UMOD: variants seen among roughly 807,000 people sequenced by gnomAD.
UMOD encodes the protein Tamm-Horsfall urinary glycoprotein.
UMOD carries 64 observed loss-of-function variants against 66.0 expected under a neutral mutation model. That is an observed-to-expected ratio of 0.97 (90% CI 0.79 to 1.19). UMOD has a LOEUF of 1.19. Among genes scored for constraint, UMOD ranks in the 50% most tolerant of loss-of-function variants. The pLI is 0.00. For synonymous variants in UMOD, 398 were observed against 352.7 expected (o/e 1.13, Z -1.44); for missense variants, 764 against 850.9 (o/e 0.90, Z 1.27).
At position 20,348,994 on chromosome 16, in the gene UMOD, C is replaced by T. The variant is rs28934584; in HGVS notation, c.307G>A (p.Gly103Ser). The change falls in exon 3 of 11, where the codon GGT (glycine) becomes AGT (serine). Residue 103 changes from glycine (G) to serine (S), a missense_variant. Gly to Ser is a moderately conservative substitution (Grantham distance 56). Coordinates refer to ENST00000396138, the MANE Select transcript of UMOD (RefSeq NM_003361.4). ...VCPEGFRLSPGLGCTDVDECA... is the reference protein window; with the variant it reads ...VCPEGFRLSPSLGCTDVDECA... ...TCATCCACGTCTGTGCAGCCGAGACCGGGCGACAGGCGGAAGCCTTCGGGG... is the reference window on the plus strand; with the variant it reads ...TCATCCACGTCTGTGCAGCCGAGACTGGGCGACAGGCGGAAGCCTTCGGGG... The T allele has an allele frequency of 1.6e-5, 25 of 1,577,436 alleles. No individual in the cohort carries two copies. Among genetic ancestry groups the T allele is most frequent in the South Asian group, 4.6e-5 (4 of 86,566 alleles).
chr16:20,351,687 C>A (rs1596568071), intron 1 of UMOD, among the ~76,000 whole-genome samples: 1 of 152,138 alleles, frequency 6.6e-6, no homozygotes, highest in South Asian at 2.1e-4. Context: ...CCTAGAGCAA[C>A]GTTTTCCAGA....
Position 20,348,293 on chromosome 16 carries a change from A to T in UMOD, c.903T>A (p.Ser301Arg). The change falls in exon 4 of 11, where the codon AGT becomes AGA. Residue 301 changes from serine (S) to arginine (R), a missense_variant. Physicochemically the swap from Ser to Arg is moderately radical, Grantham distance 110. Coordinates refer to ENST00000396138, the MANE Select transcript of UMOD (RefSeq NM_003361.4). ...TATTCGATTTGCAGTCCTCGTCTATACTGCACTCCTCACACGTCCCCTCCA... is the reference window on the plus strand; with the variant it reads ...TATTCGATTTGCAGTCCTCGTCTATTCTGCACTCCTCACACGTCCCCTCCA... ...SSVEGTCEEC[S>R]IDEDCKSNNG... 1 of 1,614,164 alleles carries T rather than the reference A, an allele frequency of 6.2e-7. No individual in the cohort carries two copies.
In UMOD at chr16:20,348,599, C is replaced by G. The variant is rs758247526; in HGVS notation, c.702G>C (p.Thr234=). ...CGATGCCCTCGTCGCTGGACGGATG[C>G]GTGCCATTGAGCCACATGGGGGCGG... ...NTAAPMWLNG[T]HPSSDEGIVS... is the part of the protein sequence containing the mutation. Residue 234 remains threonine, a synonymous_variant, in exon 3 of 11, where the codon ACG becomes ACC. Transcript: ENST00000396138. 59 of 1,590,254 alleles carry G rather than the reference C, an allele frequency of 3.7e-5. No homozygotes were observed. Among genetic ancestry groups the G allele is most frequent in the Non-Finnish European group, 4.9e-5 (58 of 1,173,498 alleles).
At chr16:20,349,710 T>G (rs1965796536) in intron 2 of UMOD, 1 of 1,510,228 alleles carries the variant, frequency 6.6e-7, no homozygotes, top group Non-Finnish European at 8.9e-7. Flanking sequence ...TCCTATACTT[T>G]GGTAGGATTT....
Position 20,335,470 on chromosome 16 carries a change from A to G in UMOD, c.1861+12T>C. On this transcript the variant is annotated intron_variant, in intron 10 of 10. Coordinates refer to ENST00000396138, the MANE Select transcript of UMOD (RefSeq NM_003361.4). Reference sequence around the variant, plus strand: ...TGGAACAGGTCCCACTGCAGAAAGGACCTGAACTTACCCAAGCTGCTAAAA... The same window carrying G: ...TGGAACAGGTCCCACTGCAGAAAGGGCCTGAACTTACCCAAGCTGCTAAAA... The G allele has an allele frequency of 1.2e-6, 2 of 1,614,016 alleles. No individual in the cohort carries two copies. The highest frequency in any genetic ancestry group is 8.5e-7 in the Non-Finnish European group (1 of 1,179,916).
chr16:20,355,351 T>G (rs553869009), upstream of UMOD, among the ~76,000 whole-genome samples: 2 of 152,190 alleles, frequency 1.3e-5, no homozygotes, highest in African/African-American at 4.8e-5. Flanking sequence ...GAACGAACCT[T>G]AATCTCTCAG....
intron 2 of UMOD, chr16:20,349,817 TC>T: frequency 6.5e-7 from 1 of 1,550,118 alleles, no homozygotes; most frequent in Non-Finnish European, 8.7e-7. Context: ...CAGTGTCGCC[TC>T]CTCTCTGCGG....
In UMOD at chr16:20,348,616, TG is replaced by T; in HGVS notation, c.684del (p.Met229CysfsTer15). ...GACGGATGCGTGCCATTGAGCCACA[TG>T]GGGGCGGCCGTGTTGCAGCGCAGGA... ...VPVLRCNTAA[P>X]MWLNGTHPSS... On this transcript the variant is annotated frameshift_variant, in exon 3 of 11. Transcript: ENST00000396138. LOFTEE classifies it high-confidence loss of function. 6.3e-7 allele frequency: 1 copy of T among 1,585,630 alleles called. No individual in the cohort carries two copies.
chr16:20,346,363 G>A (rs779796178), intron 4 of UMOD, 29 bp from the exon 5 acceptor site: 78 of 1,612,622 alleles, frequency 4.8e-5, no homozygotes, highest in Middle Eastern at 3.3e-4. Context: ...GATTGAGGAC[G>A]TGTGTCTATA....
Position 20,333,052 on chromosome 16 carries a change from G to C in UMOD, c.*262C>G, listed in dbSNP as rs1422710573. 1.3e-5 allele frequency: 6 copies of C among 465,030 alleles called. No individual in the cohort carries two copies. Among genetic ancestry groups the C allele is most frequent in the Non-Finnish European group, 2.4e-5 (6 of 250,064 alleles). The allele number at this position is 465,030 out of a possible 1,614,324, so 28.8% of individuals were successfully genotyped here. ...GAATGAATGGATGACTTCAAAGACT[G>C]AGATTTAAAAATCATTATTTTGCCA... is the stretch of plus-strand genomic sequence containing the variant. On this transcript the variant is annotated 3_prime_UTR_variant, in exon 11 of 11. Transcript: ENST00000396138.
rs769772382 is a variant in UMOD at position 20,344,045 on chromosome 16, G to C, written c.1310C>G (p.Thr437Ser). 128 of 1,613,824 alleles carry C rather than the reference G, an allele frequency of 7.9e-5. No individual in the cohort carries two copies. The highest frequency in any genetic ancestry group is 9.6e-5 in the Non-Finnish European group (113 of 1,180,032). The change falls in exon 6 of 11, where the codon ACC (threonine) becomes AGC (serine). Residue 437 changes from threonine to serine, a missense_variant. Coordinates refer to ENST00000396138, the MANE Select transcript of UMOD (RefSeq NM_003361.4). ...ACACCTGACCATTGGCTGTAGGGCG[G>C]TCTTCAGGCTGACTTTCATGTCCAG... ...YPLDMKVSLK[T>S]ALQPMVSALN...
intron 2 of UMOD, chr16:20,349,939 G>A (rs1965810035): frequency 6.8e-7 from 1 of 1,467,138 alleles, no homozygotes; most frequent in African/African-American, 1.4e-5. Context: ...TATATGCCAG[G>A]CAATAGGATG....
rs1555486827 is a variant in UMOD, at chr16:20,345,400, T to TTTC, written c.1182+725_1182+726insGAA. On this transcript the variant is annotated intron_variant, in intron 5 of 10. Transcript: ENST00000396138. ...TCCTTCCTTCCTTTCTTTTCTTTTT[T>TTTC]TTTCTTTCTTTCTTTCTTTCTTTCT... 3.4e-3 allele frequency among the ~76,000 whole-genome samples: 269 copies of TTTC among 78,032 alleles called. 3 individuals are homozygous for TTTC. The highest frequency in any genetic ancestry group is 0.011 in the African/African-American group (247 of 23,062). 51.2% of individuals were successfully genotyped at this position (78,032 alleles called of 152,430 possible).
upstream of UMOD, among the ~76,000 whole-genome samples, chr16:20,354,644 G>C (rs1392970136): frequency 6.6e-6 from 1 of 152,068 alleles, no homozygotes; most frequent in African/African-American, 2.4e-5. Context: ...GTGGCTTCTG[G>C]AGTTTTCTTG....
rs1357017118 is a variant in UMOD at position 20,346,969 on chromosome 16, C to A, written c.974-635G>T. The stretch of plus-strand genomic sequence containing the variant: ...CCCTTTTCACATCAAGGAGACAGTC[C>A]CAGCTTGCCACTAATGTCTTTAATG... On this transcript the variant is annotated intron_variant, in intron 4 of 10. Transcript: ENST00000396138. Among the ~76,000 whole-genome samples, 4 of 152,142 alleles carry A rather than the reference C, an allele frequency of 2.6e-5. No individual in the cohort carries two copies. In the East Asian group the frequency reaches 7.7e-4, roughly 29 times the overall value.
intron 5 of UMOD, 64 bp downstream of exon 5, chr16:20,346,062 G>A (rs867440477): frequency 3.3e-6 from 5 of 1,496,078 alleles, no homozygotes; most frequent in Non-Finnish European, 9.3e-7. Flanking sequence ...TAACTAGGAA[G>A]TGATAGAGCT....
chr16:20,355,587 G>GC (rs1197165227), upstream of UMOD, among the ~76,000 whole-genome samples: 1 of 150,932 alleles, frequency 6.6e-6, no homozygotes, highest in African/African-American at 2.4e-5. Flanking sequence ...GCTAATTTGT[G>GC]TTTTTTTTGT....
chr16:20,347,871 C>T (rs539166954), intron 4 of UMOD, among the ~76,000 whole-genome samples: 1 of 152,144 alleles, frequency 6.6e-6, no homozygotes, highest in Non-Finnish European at 1.5e-5. Flanking sequence ...GACTGCTCAC[C>T]GGGCCGGGCT....
chr16:20,344,224 T>A (rs1485082006), intron 5 of UMOD, 52 bp from the exon 6 acceptor site: 3 of 1,539,076 alleles, frequency 1.9e-6, no homozygotes, highest in Admixed American at 1.7e-5. Flanking sequence ...GAAAGGGGCA[T>A]GAGAATCTGA....
Sources: gnomAD v4.1 joint callset for allele counts (sites outside exome capture counted in the v4.1 genomes callset) on GRCh38, gnomAD v4.1.1 for gene constraint, MANE v1.5 for transcripts, NCBI Gene and HGNC (gene_info 2026-07-23, HGNC 2026-07-21) for gene names.